Variants in ADRA1A observed in about 807,000 individuals in gnomAD.
ADRA1A encodes adrenoceptor alpha 1A, also known as alpha-1A adrenergic receptor.
A neutral mutation model predicts 29.6 loss-of-function variants in ADRA1A; 31 were observed. The ratio of observed to expected loss-of-function variants is 1.05; its 90% CI spans 0.79 to 1.41. The LOEUF (loss-of-function observed/expected upper bound fraction) is 1.41, where lower values mean the gene tolerates loss of function less well. Ranked by LOEUF, ADRA1A falls within the 40% of genes most tolerant of loss-of-function variation. The pLI, the probability that ADRA1A is intolerant of heterozygous loss-of-function variation, is 0.00. For synonymous variants in ADRA1A, 311 were observed against 254.3 expected (o/e 1.22, Z -2.12); for missense variants, 619 against 601.1 (o/e 1.03, Z -0.31).
intron 2 of ADRA1A, among the ~76,000 whole-genome samples, chr8:26,786,057 C>T (rs1908652): frequency 0.093 from 14,104 of 151,948 alleles, 965 homozygotes; most frequent in East Asian, 0.33. Flanking sequence ...AACTCTAATT[C>T]GGTGACATTT....
intron 2 of ADRA1A, among the ~76,000 whole-genome samples, chr8:26,812,663 T>A (rs1233079254): frequency 6.6e-6 from 1 of 150,944 alleles, no homozygotes. Context: ...ATTTATTTTC[T>A]TTATTATTAT....
chr8:26,835,477 A>G (rs1292943387), intron 2 of ADRA1A, among the ~76,000 whole-genome samples: 1 of 152,200 alleles, frequency 6.6e-6, no homozygotes, highest in African/African-American at 2.4e-5. Context: ...TTATGCTGAA[A>G]GGGGAAGCAA....
At chr8:26,810,349 G>A (rs948013928) in intron 2 of ADRA1A, among the ~76,000 whole-genome samples, 1 of 152,174 alleles carries the variant, frequency 6.6e-6, no homozygotes, top group Non-Finnish European at 1.5e-5. Context: ...CTAAGACTTG[G>A]TGACAGGCAA....
chr8:26,838,813 T>C (rs1383670699), intron 2 of ADRA1A, among the ~76,000 whole-genome samples: 1 of 152,232 alleles, frequency 6.6e-6, no homozygotes, highest in Non-Finnish European at 1.5e-5. Context: ...ATTCCTTACC[T>C]GGACACAGAG....
rs1386962343 is a variant in ADRA1A, at chr8:26,823,661, C to G, written c.883+40426G>C. 6.6e-6 allele frequency among the ~76,000 whole-genome samples: 1 copy of G among 152,050 alleles called. No homozygotes were observed. Among genetic ancestry groups the G allele is most frequent in the Non-Finnish European group, 1.5e-5 (1 of 68,002 alleles). On this transcript the variant is annotated intron_variant, in intron 2 of 2. Transcript: ENST00000380573. This position sits in a 1 kb window ranked among gnomAD's most constrained non-coding sequence, Gnocchi z 4.2. ...CACCAGGAAGCCCACCTTCCTTTTT[C>G]CTATAAGACAGAGGATCAGGACTAG... is the stretch of plus-strand genomic sequence containing the variant.
chr8:26,865,613 C>G lies in ADRA1A; in HGVS notation c.-644G>C. On this transcript the variant is annotated 5_prime_UTR_variant, in exon 2 of 3. Coordinates refer to ENST00000380573, the MANE Select transcript of ADRA1A (RefSeq NM_000680.4). This position sits in a 1 kb window ranked among gnomAD's most constrained non-coding sequence, Gnocchi z 7.6. ...AGGGGACGTAGGTGTGGAATATGTG[C>G]TGAGACCCAGGAGGCTGCGGGGCAT... is the stretch of plus-strand genomic sequence containing the variant. 1.0e-6 allele frequency: 1 copy of G among 986,704 alleles called. No individual in the cohort carries two copies. 61.1% of individuals were successfully genotyped at this position (986,704 alleles called of 1,614,324 possible).
At chr8:26,827,974 C>T (rs2130634111) in intron 2 of ADRA1A, among the ~76,000 whole-genome samples, 1 of 152,158 alleles carries the variant, frequency 6.6e-6, no homozygotes, top group East Asian at 1.9e-4. Context: ...GCTCACTGCC[C>T]CCTCAACTTT....
rs955480958 is a variant in ADRA1A, at chr8:26,821,501, G to A, written c.883+42586C>T. 6.6e-6 allele frequency among the ~76,000 whole-genome samples: 1 copy of A among 152,064 alleles called. No homozygotes were observed. Among genetic ancestry groups the A allele is most frequent in the African/African-American group, 2.4e-5 (1 of 41,402 alleles). On this transcript the variant is annotated intron_variant, in intron 2 of 2. Coordinates refer to ENST00000380573, the MANE Select transcript of ADRA1A (RefSeq NM_000680.4). The surrounding 1 kb of genome is among the most constrained non-coding windows in gnomAD (Gnocchi z 5.6). ...ATGGTGTTAAGCCATTCATGAGGAA[G>A]CCAACTCCCTGATCCAATCACCTCC...
intron 2 of ADRA1A, among the ~76,000 whole-genome samples, chr8:26,827,768 T>C (rs1810686266): frequency 6.6e-6 from 1 of 152,104 alleles, no homozygotes; most frequent in Non-Finnish European, 1.5e-5. Context: ...TTCCCAAAGG[T>C]CTCACTTCCT....
downstream of ADRA1A, among the ~76,000 whole-genome samples, chr8:26,761,703 G>A (rs1308401793): frequency 6.6e-6 from 1 of 152,210 alleles, no homozygotes; most frequent in Non-Finnish European, 1.5e-5. Flanking sequence ...CATTTGTTAT[G>A]ATTGGCTAGG....
intron 2 of ADRA1A, among the ~76,000 whole-genome samples, chr8:26,826,525 C>T (rs1479690083): frequency 2.0e-5 from 3 of 152,108 alleles, no homozygotes; most frequent in Non-Finnish European, 4.4e-5. Context: ...GCCAAAAAGT[C>T]TATTTTGTTA....
chr8:26,861,060 G>A (rs969476106), intron 2 of ADRA1A, among the ~76,000 whole-genome samples: 3 of 152,020 alleles, frequency 2.0e-5, no homozygotes, highest in African/African-American at 7.2e-5. Context: ...TGAGCCTCAC[G>A]TGCCTTCCTC....
At chr8:26,859,347 C>T (rs1465550144) in intron 2 of ADRA1A, 4 of 462,808 alleles carry the variant, frequency 8.6e-6, no homozygotes, top group Non-Finnish European at 1.5e-5. Flanking sequence ...TAAGTCTCTG[C>T]TCTGTCAATG....
intron 2 of ADRA1A, among the ~76,000 whole-genome samples, chr8:26,791,141 T>C (rs1428710842): frequency 6.6e-6 from 1 of 152,206 alleles, no homozygotes; most frequent in African/African-American, 2.4e-5. Context: ...CATTTTGCTA[T>C]TTTATTTTTA....
downstream of ADRA1A, chr8:26,756,302 G>A (rs57973469): frequency 8.1e-4 from 436 of 540,780 alleles, 1 homozygote; most frequent in African/African-American, 8.0e-3. Flanking sequence ...TATACTTGAT[G>A]AATACATCTC....
At chr8:26,748,602 G>C in exon 3 of ADRA1A, 1 of 423,030 alleles carries the variant, frequency 2.4e-6, no homozygotes, top group South Asian at 1.7e-5. Flanking sequence ...AGCTGGGCCT[G>C]GTGGCGTCGG....
intron 2 of ADRA1A, among the ~76,000 whole-genome samples, chr8:26,851,006 C>T (rs562880595): frequency 6.6e-6 from 1 of 152,234 alleles, no homozygotes; most frequent in African/African-American, 2.4e-5. Context: ...CATGATTTGC[C>T]GACCTCTGTT....
At chr8:26,764,392 C>T (rs187656954), downstream of ADRA1A, among the ~76,000 whole-genome samples, 297 of 152,290 alleles carry the variant, frequency 2.0e-3, 1 homozygote, top group South Asian at 3.1e-3. Flanking sequence ...GAAGCATAGA[C>T]AAATTTGCCC....
chr8:26,856,967 C>T (rs1813094812), intron 2 of ADRA1A, among the ~76,000 whole-genome samples: 1 of 152,202 alleles, frequency 6.6e-6, no homozygotes, highest in South Asian at 2.1e-4. Flanking sequence ...CGGTGATCTG[C>T]AAGAGGACTA....
Sources: gnomAD v4.1 joint callset for allele counts (sites outside exome capture counted in the v4.1 genomes callset) on GRCh38, gnomAD v4.1.1 for gene constraint, Gnocchi (gnomAD v3.1) non-coding constraint, MANE v1.5 for transcripts, NCBI Gene and HGNC (gene_info 2026-07-23, HGNC 2026-07-21) for gene names.